The following COLEC12 variants were observed in gnomAD, a reference collection of about 807,000 sequenced individuals.
The protein encoded by COLEC12 is collectin-12.
In COLEC12, 33 loss-of-function variants were observed where a neutral mutation model predicts 71.1. That is an observed-to-expected ratio of 0.46 (90% CI 0.35 to 0.62). The LOEUF (loss-of-function observed/expected upper bound fraction) is 0.62. COLEC12 is among the 20% of genes least tolerant of loss of function. COLEC12 has a pLI of 0.00. For missense variants in COLEC12, 765 were observed against 916.1 expected (o/e 0.84, Z 2.13); for synonymous variants, 350 against 353.0 (o/e 0.99, Z 0.10).
At chr18:430,897 C>A (rs1916289611) in intron 2 of COLEC12, among the ~76,000 whole-genome samples, 1 of 152,228 alleles carries the variant, frequency 6.6e-6, no homozygotes, top group Non-Finnish European at 1.5e-5. Context: ...CATGATTATA[C>A]TTATCAATTT....
chr18:340,860 G>A (rs1259272463), intron 5 of COLEC12, among the ~76,000 whole-genome samples: 7 of 152,246 alleles, frequency 4.6e-5, no homozygotes, highest in African/African-American at 1.7e-4. Context: ...AAGAAATACA[G>A]TTGGGCTTTT....
At chr18:339,934 C>T (rs538533506) in intron 5 of COLEC12, among the ~76,000 whole-genome samples, 5 of 152,054 alleles carry the variant, frequency 3.3e-5, no homozygotes, top group South Asian at 2.1e-4. Context: ...CTCTAGGACC[C>T]GGGATGCTGG....
At chr18:402,878 A>G (rs550907282) in intron 2 of COLEC12, among the ~76,000 whole-genome samples, 98 of 152,200 alleles carry the variant, frequency 6.4e-4, no homozygotes, top group African/African-American at 2.3e-3. Context: ...TGTTCCTGAC[A>G]ATGAGCCATC....
At chr18:340,169 G>A (rs1436123520) in intron 5 of COLEC12, among the ~76,000 whole-genome samples, 1 of 151,450 alleles carries the variant, frequency 6.6e-6, no homozygotes, top group Non-Finnish European at 1.5e-5. Flanking sequence ...CGCCGCATGT[G>A]GAAACACATG....
chr18:451,318 CTTATATTTAAAA>C (rs1713409768), intron 2 of COLEC12, among the ~76,000 whole-genome samples: 1 of 152,034 alleles, frequency 6.6e-6, no homozygotes, highest in East Asian at 1.9e-4. Flanking sequence ...GAAATTAGAG[CTTATATTTAAAA>C]GGGAAGCGGA....
intron 2 of COLEC12, among the ~76,000 whole-genome samples, chr18:371,639 A>G (rs1170206968): frequency 6.6e-6 from 1 of 152,176 alleles, no homozygotes; most frequent in Non-Finnish European, 1.5e-5. Context: ...TTATCTAGAC[A>G]GAACAGGAGA....
rs985820557 is a variant in COLEC12 at position 317,639 on chromosome 18, T to C, written c.*2406A>G. 7 of 152,284 alleles carry C rather than the reference T, an allele frequency of 4.6e-5. No individual in the cohort carries two copies. The highest frequency in any genetic ancestry group is 8.8e-5 in the Non-Finnish European group (6 of 68,056). 9.4% of individuals were successfully genotyped at this position (152,284 alleles called of 1,614,324 possible). On this transcript the variant is annotated 3_prime_UTR_variant, in exon 10 of 10. Coordinates refer to ENST00000400256, the MANE Select transcript of COLEC12 (RefSeq NM_130386.3). ...GAAAGCTAATACTAGTCTATCCTGA[T>C]GACGGCATCAGATACTTATTTTCAA...
At chr18:366,467 C>T (rs1171694535) in intron 2 of COLEC12, among the ~76,000 whole-genome samples, 1 of 152,208 alleles carries the variant, frequency 6.6e-6, no homozygotes, top group Non-Finnish European at 1.5e-5. Context: ...CTCCTCAATG[C>T]ACCCTTTCCT....
chr18:384,622 T>C (rs759568884), intron 2 of COLEC12, among the ~76,000 whole-genome samples: 1 of 152,206 alleles, frequency 6.6e-6, no homozygotes, highest in Non-Finnish European at 1.5e-5. Flanking sequence ...CTGAATGCTG[T>C]GCACGTAAGC....
At chr18:473,955 C>T (rs541434925) in intron 2 of COLEC12, among the ~76,000 whole-genome samples, 3 of 152,200 alleles carry the variant, frequency 2.0e-5, no homozygotes, top group African/African-American at 7.2e-5. Context: ...TGAATGAAAA[C>T]CAGAGAGAGT....
intron 3 of COLEC12, among the ~76,000 whole-genome samples, chr18:354,784 AG>A (rs558412348): frequency 2.9e-4 from 44 of 152,092 alleles, no homozygotes; most frequent in Non-Finnish European, 6.2e-4. Flanking sequence ...GGCCTGAAGG[AG>A]GGGGGCACTG....
At chr18:490,397 G>T (rs1174435973) in intron 1 of COLEC12, among the ~76,000 whole-genome samples, 1 of 152,168 alleles carries the variant, frequency 6.6e-6, no homozygotes, top group Admixed American at 6.5e-5. Context: ...GCAGGTAACT[G>T]AAAGAGGTGT....
intron 1 of COLEC12, among the ~76,000 whole-genome samples, chr18:482,936 G>A (rs1352663724): frequency 1.3e-5 from 2 of 152,102 alleles, no homozygotes; most frequent in Non-Finnish European, 2.9e-5. Flanking sequence ...AAGAAAGAGA[G>A]GCATATAGGG....
intron 3 of COLEC12, among the ~76,000 whole-genome samples, chr18:356,720 G>T (rs1394945193): frequency 1.3e-5 from 2 of 152,172 alleles, no homozygotes; most frequent in Non-Finnish European, 2.9e-5. Flanking sequence ...TCTGAATCAC[G>T]ACACCTTCTA....
chr18:495,501 C>A (rs1003491009), intron 1 of COLEC12, among the ~76,000 whole-genome samples: 2 of 152,146 alleles, frequency 1.3e-5, no homozygotes, highest in African/African-American at 4.8e-5. Context: ...ATTCAATCAG[C>A]GGTAAGCAAA....
At chr18:405,887 TG>T (rs1259416448) in intron 2 of COLEC12, among the ~76,000 whole-genome samples, 1 of 152,054 alleles carries the variant, frequency 6.6e-6, no homozygotes, top group Admixed American at 6.5e-5. Context: ...TGAAAAGGGC[TG>T]GGTAAAATGA....
chr18:366,634 CTCGGCACA>C, intron 2 of COLEC12, among the ~76,000 whole-genome samples: 1 of 152,328 alleles, frequency 6.6e-6, no homozygotes, highest in East Asian at 1.9e-4. Flanking sequence ...CCCGCTAGTA[CTCGGCACA>C]TCCTGCGGCT....
intron 2 of COLEC12, among the ~76,000 whole-genome samples, chr18:419,114 T>C (rs1916045004): frequency 6.6e-6 from 1 of 152,248 alleles, no homozygotes; most frequent in Non-Finnish European, 1.5e-5. Flanking sequence ...CTTAAAATTA[T>C]CTGGAAAATA....
intron 3 of COLEC12, among the ~76,000 whole-genome samples, chr18:355,677 A>C (rs1914615626): frequency 6.6e-6 from 1 of 152,214 alleles, no homozygotes; most frequent in African/African-American, 2.4e-5. Flanking sequence ...TGAGGCTTAA[A>C]AGTACTTATT....
Sources: gnomAD v4.1 joint callset for allele counts (sites outside exome capture counted in the v4.1 genomes callset) on GRCh38, gnomAD v4.1.1 for gene constraint, MANE v1.5 for transcripts, NCBI Gene and HGNC (gene_info 2026-07-23, HGNC 2026-07-21) for gene names.